The following AHRR variants were observed in gnomAD, a reference collection of about 807,000 sequenced individuals.
AHRR encodes the protein ahR repressor.
Under a neutral mutation model 44.0 loss-of-function variants are expected in AHRR, and 28 were observed. The ratio of observed to expected loss-of-function variants is 0.64; its 90% CI spans 0.47 to 0.87. The LOEUF is 0.87. Ranked by LOEUF, AHRR falls within the 40% of genes least tolerant of loss-of-function variation. AHRR has a pLI of 0.00. For missense variants in AHRR, 990 were observed against 953.9 expected, an observed-to-expected ratio of 1.04 and a Z score of -0.50; for synonymous variants, 434 against 407.0, an observed-to-expected ratio of 1.07 and a Z score of -0.80.
chr5:433,381 A>C (rs1736830496), intron 10 of AHRR, among the ~76,000 whole-genome samples: 2 of 146,508 alleles, frequency 1.4e-5, no homozygotes, highest in East Asian at 2.0e-4. Context: ...GCCCCTCCCC[A>C]CTCTCCAGGT....
At position 419,779 on chromosome 5, in the gene AHRR, T is replaced by C. The variant is rs369564955; in HGVS notation, c.442-2950T>C. 2.6e-4 allele frequency among the ~76,000 whole-genome samples: 40 copies of C among 152,310 alleles called. No individual in the cohort carries two copies. Among genetic ancestry groups the C allele is most frequent in the African/African-American group, 9.6e-4 (40 of 41,564 alleles). On this transcript the variant is annotated intron_variant, in intron 5 of 10. Transcript: ENST00000684583. This position sits in a 1 kb window ranked among gnomAD's most constrained non-coding sequence, Gnocchi z 4.4. ...GTTTACCGGAAGTGTCCCCACACCA[T>C]TTTCCATAAGCTGTGAAACAAATGT... is the stretch of plus-strand genomic sequence containing the variant.
intron 3 of AHRR, among the ~76,000 whole-genome samples, chr5:355,292 G>A (rs985464854): frequency 3.3e-5 from 5 of 152,154 alleles, no homozygotes; most frequent in African/African-American, 9.7e-5. Flanking sequence ...GCACCACCCT[G>A]CATGCACCTG....
At position 344,005 on chromosome 5, in the gene AHRR, C is replaced by T. The variant is rs1258947580; in HGVS notation, c.62+41C>T. On this transcript the variant is annotated intron_variant, in intron 2 of 10. Transcript: ENST00000684583. Reference sequence around the variant, plus strand: ...TTCTGCTTGTGTGGGTTGTTGCACCCATGGAAGGGGAGGGTTGGGGTTTGC... The same window carrying T: ...TTCTGCTTGTGTGGGTTGTTGCACCTATGGAAGGGGAGGGTTGGGGTTTGC... 7 of 1,571,278 alleles carry T rather than the reference C, an allele frequency of 4.5e-6. No homozygotes were observed. In the South Asian group the frequency reaches 6.8e-5, roughly 15 times the overall value.
At chr5:355,664 T>C (rs1224386155) in intron 3 of AHRR, among the ~76,000 whole-genome samples, 1 of 152,214 alleles carries the variant, frequency 6.6e-6, no homozygotes, top group Non-Finnish European at 1.5e-5. Flanking sequence ...CTGGCTCTTC[T>C]TAAACTGCCA....
chr5:351,853 A>C (rs1742869644), intron 2 of AHRR, among the ~76,000 whole-genome samples: 1 of 152,226 alleles, frequency 6.6e-6, no homozygotes. Flanking sequence ...AGAGTTCCTG[A>C]CAGAACAGAT....
intron 4 of AHRR, among the ~76,000 whole-genome samples, chr5:377,224 G>C (rs955146732): frequency 1.3e-5 from 2 of 152,204 alleles, no homozygotes; most frequent in African/African-American, 4.8e-5. Context: ...CTGAAGTGCT[G>C]AGTTGTCCTG....
At chr5:415,362 TCTCC>T (rs1560915752) in intron 5 of AHRR, among the ~76,000 whole-genome samples, 23 of 138,080 alleles carry the variant, frequency 1.7e-4, no homozygotes, top group Admixed American at 3.7e-4. Context: ...AGGGGCCGAG[TCTCC>T]CTGGTCGGGT....
chr5:422,944 C>T, intron 6 of AHRR, 86 bp downstream of exon 6: 1 of 1,480,986 alleles, frequency 6.8e-7, no homozygotes, highest in Non-Finnish European at 9.0e-7. Context: ...CCCTGTCGCA[C>T]CTTCTTGGTG....
chr5:334,443 A>G (rs1742050774), intron 1 of AHRR, among the ~76,000 whole-genome samples: 1 of 151,876 alleles, frequency 6.6e-6, no homozygotes, highest in African/African-American at 2.4e-5. Flanking sequence ...TTGATTGGAT[A>G]GTTTCAAAAA....
chr5:373,772 CG>C (rs1245133018), intron 3 of AHRR, among the ~76,000 whole-genome samples: 3 of 151,534 alleles, frequency 2.0e-5, no homozygotes, highest in Admixed American at 6.6e-5. Flanking sequence ...AGCGCCCGCG[CG>C]GACCCCGAGC....
intron 4 of AHRR, among the ~76,000 whole-genome samples, chr5:397,241 G>T (rs1163998865): frequency 1.1e-5 from 1 of 86,968 alleles, no homozygotes; most frequent in African/African-American, 5.2e-5. Context: ...GACCATCCAC[G>T]TAGCCCCTGA....
rs1463364355 is a variant in AHRR, at chr5:338,099, G to A, written c.-10-5794G>A. ...TTTGCGAATACATGTCTCCCCTCCC[G>A]GGTCTGTGTAGCCGCCATATACTTG... On this transcript the variant is annotated intron_variant, in intron 1 of 10. Transcript: ENST00000684583. This position sits in a 1 kb window ranked among gnomAD's most constrained non-coding sequence, Gnocchi z 4.1. Among the ~76,000 whole-genome samples, 1 of 152,156 alleles carries A rather than the reference G, an allele frequency of 6.6e-6. No individual in the cohort carries two copies. The highest frequency in any genetic ancestry group is 2.1e-4 in the South Asian group (1 of 4,830).
intron 1 of AHRR, among the ~76,000 whole-genome samples, chr5:324,462 T>TA (rs201937010): frequency 0.17 from 23,727 of 142,756 alleles, 3,964 homozygotes; most frequent in African/African-American, 0.44. Flanking sequence ...ATAAAAAAAT[T>TA]AAAAAAAAAA....
At chr5:324,369 G>T (rs117433882) in intron 1 of AHRR, among the ~76,000 whole-genome samples, 1 of 150,338 alleles carries the variant, frequency 6.7e-6, no homozygotes, top group Non-Finnish European at 1.5e-5. Flanking sequence ...ACGCCCAGCC[G>T]CCTAGCTGTT....
intron 1 of AHRR, among the ~76,000 whole-genome samples, chr5:341,154 A>T (rs1170520069): frequency 6.6e-6 from 1 of 151,722 alleles, no homozygotes; most frequent in Non-Finnish European, 1.5e-5. Flanking sequence ...AGCTGGGACT[A>T]CAGGTGCACG....
At chr5:363,392 G>C (rs1743246219) in intron 3 of AHRR, among the ~76,000 whole-genome samples, 1 of 152,186 alleles carries the variant, frequency 6.6e-6, no homozygotes, top group South Asian at 2.1e-4. Flanking sequence ...ATCCTCTCCA[G>C]CTGGTCCCTT....
chr5:356,479 G>GT (rs1199564355), intron 3 of AHRR, among the ~76,000 whole-genome samples: 15 of 149,928 alleles, frequency 1.0e-4, no homozygotes, highest in Admixed American at 9.3e-4. Context: ...GCGCCCGCGA[G>GT]TGGAGGCCCT....
intron 3 of AHRR, among the ~76,000 whole-genome samples, chr5:365,509 G>C (rs541143120): frequency 6.6e-6 from 1 of 152,106 alleles, no homozygotes; most frequent in South Asian, 2.1e-4. Context: ...ATGTATAAAA[G>C]AAGGCTAAAT....
At chr5:334,717 A>C (rs1742059164) in intron 1 of AHRR, among the ~76,000 whole-genome samples, 1 of 151,976 alleles carries the variant, frequency 6.6e-6, no homozygotes, top group Non-Finnish European at 1.5e-5. Flanking sequence ...AGATTTATCT[A>C]CTGCTGGAGA....
Sources: gnomAD v4.1 joint callset for allele counts (sites outside exome capture counted in the v4.1 genomes callset) on GRCh38, gnomAD v4.1.1 for gene constraint, Gnocchi (gnomAD v3.1) non-coding constraint, MANE v1.5 for transcripts, NCBI Gene and HGNC (gene_info 2026-07-23, HGNC 2026-07-21) for gene names.